Variants in DCLK1 observed in about 807,000 individuals in gnomAD.
The protein encoded by DCLK1 is doublecortin like kinase 1.
Under a neutral mutation model 86.2 loss-of-function variants are expected in DCLK1, and 16 were observed. The ratio of observed to expected loss-of-function variants is 0.19; its 90% CI spans 0.13 to 0.28. The LOEUF (loss-of-function observed/expected upper bound fraction) is 0.28. Ranked by LOEUF, DCLK1 falls within the 10% of genes least tolerant of loss-of-function variation. The probability of loss-of-function intolerance (pLI) is 1.00; values close to 1 mark genes in which losing one functional copy is unlikely to be tolerated. For synonymous variants in DCLK1, 369 were observed against 370.5 expected (o/e 1.00, Z 0.05); for missense variants, 590 against 940.2 (o/e 0.63, Z 4.87).
chr13:36,049,906 ATAT>A (rs1753149929), intron 3 of DCLK1, among the ~76,000 whole-genome samples: 5 of 152,174 alleles, frequency 3.3e-5, no homozygotes, highest in Admixed American at 1.3e-4. Flanking sequence ...GTGCTGAAAA[ATAT>A]TTAACAACTG....
At chr13:35,925,398 C>T (rs1006171815) in intron 4 of DCLK1, among the ~76,000 whole-genome samples, 6 of 152,170 alleles carry the variant, frequency 3.9e-5, no homozygotes, top group Non-Finnish European at 5.9e-5. Flanking sequence ...AGCAGCAGCA[C>T]ATTTAAAAGA....
At chr13:35,803,505 T>C (rs775907900) in intron 15 of DCLK1, among the ~76,000 whole-genome samples, 1 of 152,202 alleles carries the variant, frequency 6.6e-6, no homozygotes, top group African/African-American at 2.4e-5. Context: ...TACATGCTCA[T>C]TTTCAAGTCT....
At chr13:35,819,790 A>G (rs951087140) in intron 11 of DCLK1, among the ~76,000 whole-genome samples, 8 of 151,978 alleles carry the variant, frequency 5.3e-5, no homozygotes, top group Non-Finnish European at 1.2e-4. Context: ...TAAAAAAAAA[A>G]GGGTTAAAAA....
chr13:35,822,910 A>T, intron 10 of DCLK1, 35 bp from the exon 11 acceptor site: 1 of 1,610,946 alleles, frequency 6.2e-7, no homozygotes, highest in Non-Finnish European at 8.5e-7. Context: ...CAGCACATTA[A>T]CAGACGGGCC....
chr13:36,109,297 G>A (rs958838521), intron 3 of DCLK1, among the ~76,000 whole-genome samples: 14 of 152,222 alleles, frequency 9.2e-5, no homozygotes, highest in Non-Finnish European at 2.1e-4. Flanking sequence ...AAAAAGGACA[G>A]AGCAGAAATG....
At chr13:35,975,379 G>A (rs1879282197) in intron 3 of DCLK1, among the ~76,000 whole-genome samples, 1 of 152,192 alleles carries the variant, frequency 6.6e-6, no homozygotes, top group African/African-American at 2.4e-5. Flanking sequence ...CATCTAGCTG[G>A]TCACGGTGCC....
chr13:35,850,840 T>G, intron 6 of DCLK1: 1 of 1,443,634 alleles, frequency 6.9e-7, no homozygotes. Flanking sequence ...GTGGCTCTCG[T>G]GAGAGCAGCA....
rs144573272 is a variant in DCLK1, at chr13:35,828,441, C to CT, written c.1230-135dup. On this transcript the variant is annotated intron_variant, in intron 8 of 16. Coordinates refer to ENST00000360631, the MANE Select transcript of DCLK1 (RefSeq NM_001330071.2). ...ATATTTTGTGAAAGGATTTCCTTTC[C>CT]TTTTTTAAAAAAAAACAAATAAATA... 355 of 711,314 alleles carry CT rather than the reference C, an allele frequency of 5.0e-4. No individual in the cohort carries two copies. In the African/African-American group the frequency reaches 5.2e-3, roughly 10 times the overall value. The allele number at this position is 711,314 out of a possible 1,614,324, so 44.1% of individuals were successfully genotyped here.
intron 6 of DCLK1, chr13:35,850,155 A>G (rs1870502643): frequency 1.0e-6 from 1 of 985,158 alleles, no homozygotes; most frequent in Non-Finnish European, 1.2e-6. Context: ...CAAAACAGTA[A>G]GTAGCTTTTT....
At chr13:35,933,561 G>A (rs898933174) in intron 4 of DCLK1, among the ~76,000 whole-genome samples, 4 of 152,160 alleles carry the variant, frequency 2.6e-5, no homozygotes, top group Non-Finnish European at 5.9e-5. Context: ...ATGTGCACCC[G>A]CAGGCTCAAC....
intron 3 of DCLK1, among the ~76,000 whole-genome samples, chr13:36,099,005 T>C (rs1307773763): frequency 1.3e-5 from 2 of 151,958 alleles, no homozygotes; most frequent in Admixed American, 1.3e-4. Flanking sequence ...TTCGCTCTTG[T>C]TGCCCAGGCT....
intron 3 of DCLK1, among the ~76,000 whole-genome samples, chr13:36,078,657 G>A (rs1459380569): frequency 6.6e-6 from 1 of 152,180 alleles, no homozygotes; most frequent in Admixed American, 6.5e-5. Context: ...CAAGTGGATG[G>A]TGAAACACCA....
At chr13:36,098,879 A>G (rs930271649) in intron 3 of DCLK1, among the ~76,000 whole-genome samples, 1 of 152,230 alleles carries the variant, frequency 6.6e-6, no homozygotes, top group Non-Finnish European at 1.5e-5. Flanking sequence ...CTTCTAAAAT[A>G]TGCCACAAGC....
chr13:35,923,409 T>C (rs1213266043), intron 4 of DCLK1, among the ~76,000 whole-genome samples: 1 of 151,872 alleles, frequency 6.6e-6, no homozygotes, highest in Non-Finnish European at 1.5e-5. Context: ...CCTGAGCTGT[T>C]GAAGGGCATC....
chr13:35,828,751 G>A (rs1041356142), intron 8 of DCLK1, among the ~76,000 whole-genome samples: 5 of 152,026 alleles, frequency 3.3e-5, no homozygotes, highest in Non-Finnish European at 7.4e-5. Context: ...CCTTCCCTCC[G>A]AAGTGATGTA....
At position 36,110,041 on chromosome 13, in the gene DCLK1, G is replaced by A. The variant is rs1885553287; in HGVS notation, c.723+1828C>T. ...AAATTCTGAAGTGCAGCAGGGAGAG[G>A]GAACATTTATCCATATGTATTCTTT... On this transcript the variant is annotated intron_variant, in intron 3 of 16. Transcript: ENST00000360631. Among the ~76,000 whole-genome samples the A allele has an allele frequency of 2.6e-5, 4 of 151,954 alleles. No homozygotes were observed. In the South Asian group the frequency reaches 8.3e-4, roughly 31 times the overall value.
At chr13:36,056,511 A>C (rs1048965043) in intron 3 of DCLK1, among the ~76,000 whole-genome samples, 6 of 137,806 alleles carry the variant, frequency 4.4e-5, no homozygotes, top group Non-Finnish European at 6.3e-5. Flanking sequence ...GATATACCTA[A>C]TGCTAGATGA....
At chr13:36,103,278 G>A (rs920008547) in intron 3 of DCLK1, among the ~76,000 whole-genome samples, 1 of 151,968 alleles carries the variant, frequency 6.6e-6, no homozygotes, top group African/African-American at 2.4e-5. Context: ...GCACGCGCCT[G>A]TAATCCCAGC....
intron 11 of DCLK1, among the ~76,000 whole-genome samples, chr13:35,812,154 G>A (rs894812945): frequency 2.0e-5 from 3 of 152,134 alleles, no homozygotes; most frequent in Admixed American, 1.3e-4. Flanking sequence ...TTCCAGCCAC[G>A]ATCAAAACAA....
Sources: allele counts gnomAD v4.1 joint callset (sites outside exome capture counted in the v4.1 genomes callset), GRCh38; gene constraint gnomAD v4.1.1; transcripts MANE v1.5; gene names NCBI Gene and HGNC (gene_info 2026-07-23, HGNC 2026-07-21).